The following OPN4 variants were observed in gnomAD, a reference collection of about 807,000 sequenced individuals.
OPN4 encodes opsin 4, also known as melanopsin.
In OPN4, 43 loss-of-function variants were observed where a neutral mutation model predicts 49.5. The observed-to-expected ratio is 0.87, with a 90% CI of 0.68 to 1.12. The LOEUF (loss-of-function observed/expected upper bound fraction) is 1.12. Among genes scored for constraint, OPN4 ranks in the 50% most tolerant of loss-of-function variants. OPN4 has a pLI of 0.00. For missense variants in OPN4, 657 were observed against 643.9 expected (o/e 1.02, Z -0.22); for synonymous variants, 263 against 258.0 (o/e 1.02, Z -0.19).
intron 2 of OPN4, 78 bp downstream of exon 2, chr10:86,656,378 T>A (rs1372408455): frequency 2.0e-6 from 3 of 1,503,038 alleles, no homozygotes; most frequent in Non-Finnish European, 1.8e-6. Context: ...CAGGCAGGAA[T>A]GTTGACTCTA....
chr10:86,661,233 G>T, intron 6 of OPN4, 48 bp from the exon 7 acceptor site: 1 of 1,468,206 alleles, frequency 6.8e-7, no homozygotes, highest in Non-Finnish European at 9.5e-7. Flanking sequence ...AAGAGAAGGT[G>T]TGTCAGGAGG....
rs560685611 is a variant in OPN4, at chr10:86,658,650, T to C, written c.591T>C (p.Tyr197=). ...TTGTCCTGCTGGGCGTTTGGCTCTA[T>C]GCCCTGGCCTGGAGTCTGCCACCCT... The part of the protein sequence containing the change: ...AAFVLLGVWL[Y]ALAWSLPPFF... The change falls in exon 4 of 10, where the codon TAT becomes TAC. Residue 197 remains tyrosine, a synonymous_variant. Transcript: ENST00000241891. 19 of 1,613,772 alleles carry C rather than the reference T, an allele frequency of 1.2e-5. No homozygotes were observed. The South Asian group carries it at 1.3e-4, about 11-fold the overall frequency.
In OPN4 at chr10:86,654,603, C is replaced by T. The variant is rs1283179411; in HGVS notation, c.-181C>T. On this transcript the variant is annotated 5_prime_UTR_variant, in exon 1 of 10. Transcript: ENST00000241891. ...TTGCGCTTCACCAGACACAGAGCAA[C>T]CGCCAGCCCCAAGAGCAGCTCCAGG... 16 of 759,054 alleles carry T rather than the reference C, an allele frequency of 2.1e-5. No individual in the cohort carries two copies. The highest frequency in any genetic ancestry group is 1.9e-5 in the Non-Finnish European group (9 of 483,860). The allele number at this position is 759,054 out of a possible 1,614,324, so 47.0% of individuals were successfully genotyped here.
chr10:86,659,916 C>T lies in OPN4; in HGVS notation c.822C>T (p.Ala274=). The change falls in exon 6 of 10, where the codon GCC becomes GCT. Residue 274 remains alanine (A), a synonymous_variant. Transcript: ENST00000241891. ...ETGRALQTFG[A]CKGNGESLWQ... The stretch of plus-strand genomic sequence containing the variant: ...CTAGGGCTCTCCAGACCTTCGGGGC[C>T]TGCAAGGGCAATGGCGAGTCCCTGT... 3 of 1,614,212 alleles carry T rather than the reference C, an allele frequency of 1.9e-6. No homozygotes were observed. Among genetic ancestry groups the T allele is most frequent in the Non-Finnish European group, 2.5e-6 (3 of 1,180,038 alleles).
chr10:86,665,149 C>T (rs969735045), intron 9 of OPN4, among the ~76,000 whole-genome samples: 2 of 152,108 alleles, frequency 1.3e-5, no homozygotes, highest in Non-Finnish European at 2.9e-5. Flanking sequence ...GGATGTCTCT[C>T]TGTGACCCTG....
Position 86,656,196 on chromosome 10 carries a change from G to T in OPN4, c.186G>T (p.Thr62=), listed in dbSNP as rs143739960. ...CTGCTGCCTGGGTCCCCCTCCCCACGGTTGATGTTCCAGACCATGCCCACT... is the reference window on the plus strand; with the variant it reads ...CTGCTGCCTGGGTCCCCCTCCCCACTGTTGATGTTCCAGACCATGCCCACT... The part of the protein sequence containing the change: ...TWAAAWVPLP[T]VDVPDHAHYT... Residue 62 remains threonine, a synonymous_variant, in exon 2 of 10, where the codon ACG becomes ACT. Coordinates refer to ENST00000241891, the MANE Select transcript of OPN4 (RefSeq NM_033282.4). 3 of 1,614,136 alleles carry T rather than the reference G, an allele frequency of 1.9e-6. No individual in the cohort carries two copies. Among genetic ancestry groups the T allele is most frequent in the Non-Finnish European group, 2.5e-6 (3 of 1,180,018 alleles).
At chr10:86,659,209 G>A in intron 4 of OPN4, 88 bp from the exon 5 acceptor site, 3 of 1,044,956 alleles carry the variant, frequency 2.9e-6, no homozygotes, top group South Asian at 1.5e-5. Context: ...TGTGTATGGG[G>A]ACCCGAATGC....
In OPN4 at chr10:86,659,781, ACT is replaced by A. The variant is rs543453975; in HGVS notation, c.801-110_801-109del. ...GGCTGCCTGCACTGGAAGGAATGACACTCTCACGAGTGCCCTGCAAGGATAGT... is the reference window on the plus strand; with the variant it reads ...GGCTGCCTGCACTGGAAGGAATGACACTCACGAGTGCCCTGCAAGGATAGT... On this transcript the variant is annotated intron_variant, in intron 5 of 9. Coordinates refer to ENST00000241891, the MANE Select transcript of OPN4 (RefSeq NM_033282.4). 1.3e-5 allele frequency: 15 copies of A among 1,130,224 alleles called. No homozygotes were observed. In the East Asian group the frequency reaches 3.8e-4, roughly 28 times the overall value. The allele number at this position is 1,130,224 out of a possible 1,614,324, so 70.0% of individuals were successfully genotyped here. A position where few individuals can be genotyped will look rare whatever the true frequency, so the allele number is the denominator to read the frequency against.
At chr10:86,659,607 G>A in intron 5 of OPN4, 139 bp downstream of exon 5, 1 of 1,239,234 alleles carries the variant, frequency 8.1e-7, no homozygotes, top group Non-Finnish European at 1.1e-6. Context: ...AGTGCTTATG[G>A]GGCAGCAGTG....
At chr10:86,661,502 G>T in intron 7 of OPN4, 114 bp downstream of exon 7, 1 of 736,072 alleles carries the variant, frequency 1.4e-6, no homozygotes, top group South Asian at 1.8e-5. Context: ...GGGGCCACCA[G>T]CAGCTGGGAG....
At chr10:86,665,124 A>G (rs1844118032) in intron 9 of OPN4, among the ~76,000 whole-genome samples, 1 of 152,096 alleles carries the variant, frequency 6.6e-6, no homozygotes, top group African/African-American at 2.4e-5. Context: ...AGGGAGCTCA[A>G]TATGTCCTGG....
At chr10:86,662,199 C>G (rs1844023830) in intron 7 of OPN4, 53 bp from the exon 8 acceptor site, 1 of 1,523,112 alleles carries the variant, frequency 6.6e-7, no homozygotes, top group East Asian at 2.3e-5. Flanking sequence ...CATCCCCTCC[C>G]CTGCATCTGT....
intron 1 of OPN4, among the ~76,000 whole-genome samples, chr10:86,655,577 C>A (rs1004818355): frequency 6.6e-6 from 1 of 152,128 alleles, no homozygotes; most frequent in Non-Finnish European, 1.5e-5. Context: ...CTTCAGTGAC[C>A]CTGGGAGGCC....
chr10:86,654,884 G>C lies in OPN4; in HGVS notation c.101G>C (p.Ser34Thr). ...APPSWWDSSQ[S>T]SISSLGRLPS... is the part of the protein sequence containing the mutation. ...CCCAGCTGGTGGGACAGCTCCCAGA[G>C]CAGCATCTCCAGCCTGGGCCGGCTT... The change falls in exon 1 of 10, where the codon AGC becomes ACC. Residue 34 changes from serine to threonine, a missense_variant. Physicochemically the swap from Ser to Thr is moderately conservative, Grantham distance 58. Transcript: ENST00000241891. 6.2e-7 allele frequency: 1 copy of C among 1,613,846 alleles called. No individual in the cohort carries two copies.
intron 9 of OPN4, 149 bp from the exon 10 acceptor site, chr10:86,665,563 TG>T: frequency 1.5e-6 from 1 of 654,142 alleles, no homozygotes. Flanking sequence ...ATGTGGACTC[TG>T]GGAAGGCCCA....
rs1843861229 is a variant in OPN4, at chr10:86,656,244, G to C, written c.234G>C (p.Leu78Phe). The C allele has an allele frequency of 3.1e-6, 5 of 1,613,782 alleles. No individual in the cohort carries two copies. The African/African-American group carries it at 5.3e-5, about 17-fold the overall frequency. Residue 78 changes from leucine to phenylalanine, a missense_variant, in exon 2 of 10, where the codon TTG becomes TTC. Transcript: ENST00000241891. Reference protein sequence around the residue: ...HAHYTLGTVILLVGLTGMLGN... With the variant: ...HAHYTLGTVIFLVGLTGMLGN... ...ACTATACCCTGGGCACAGTGATCTT[G>C]CTGGTGGGACTCACGGGGATGCTGG...
At position 86,656,219 on chromosome 10, in the gene OPN4, A is replaced by G. The variant is rs770114934; in HGVS notation, c.209A>G (p.His70Arg). 6.2e-7 allele frequency: 1 copy of G among 1,614,030 alleles called. No individual in the cohort carries two copies. The highest frequency in any genetic ancestry group is 8.5e-7 in the Non-Finnish European group (1 of 1,180,024). The change falls in exon 2 of 10, where the codon CAC (histidine) becomes CGC (arginine). Residue 70 changes from histidine (H) to arginine (R), a missense_variant. By Grantham distance (29) the His-to-Arg change is conservative. Transcript: ENST00000241891. The stretch of plus-strand genomic sequence containing the variant: ...ACGGTTGATGTTCCAGACCATGCCC[A>G]CTATACCCTGGGCACAGTGATCTTG... ...LPTVDVPDHA[H>R]YTLGTVILLV...
rs35282464 is a variant in OPN4, at chr10:86,666,157, A to G, written c.*406A>G. ...GGCCTGTCACTGGCATAGGAAGGCC[A>G]GCCCCGCATCTCCCACTGCCAACAG... On this transcript the variant is annotated 3_prime_UTR_variant, in exon 10 of 10. Transcript: ENST00000241891. 302 of 218,064 alleles carry G rather than the reference A, an allele frequency of 1.4e-3. 2 individuals carry two copies. Among genetic ancestry groups the G allele is most frequent in the Non-Finnish European group, 2.2e-3 (246 of 109,510 alleles). The allele number at this position is 218,064 out of a possible 1,614,324, so 13.5% of individuals were successfully genotyped here.
In OPN4 at chr10:86,666,358, C is replaced by T. The variant is rs897875851; in HGVS notation, c.*607C>T. 1.1e-4 allele frequency: 21 copies of T among 197,716 alleles called. No homozygotes were observed. The highest frequency in any genetic ancestry group is 4.6e-4 in the African/African-American group (20 of 43,252). 12.2% of individuals were successfully genotyped at this position (197,716 alleles called of 1,614,324 possible). A position where few individuals can be genotyped will look rare whatever the true frequency, so the allele number is the denominator to read the frequency against. ...ACCAAGCACATGCGTGCACACTCTGCGTCTGTGATTCATTTCATGTAGTGG... is the reference window on the plus strand; with the variant it reads ...ACCAAGCACATGCGTGCACACTCTGTGTCTGTGATTCATTTCATGTAGTGG... On this transcript the variant is annotated 3_prime_UTR_variant, in exon 10 of 10. Transcript: ENST00000241891.
Sources: allele counts gnomAD v4.1 joint callset (sites outside exome capture counted in the v4.1 genomes callset), GRCh38; gene constraint gnomAD v4.1.1; transcripts MANE v1.5; gene names NCBI Gene and HGNC (gene_info 2026-07-23, HGNC 2026-07-21).